Variants in ILDR1 observed in about 807,000 individuals in gnomAD.
ILDR1 encodes the protein immunoglobulin like domain containing receptor 1.
In ILDR1, 56 loss-of-function variants were observed where a neutral mutation model predicts 62.4. The observed-to-expected ratio is 0.90, with a 90% CI of 0.72 to 1.12. The LOEUF (loss-of-function observed/expected upper bound fraction) is 1.12, where lower values mean the gene tolerates loss of function less well. ILDR1 is among the 50% of genes most tolerant of loss of function. The pLI is 0.00. For missense variants in ILDR1, 736 were observed against 710.6 expected, an observed-to-expected ratio of 1.04 and a Z score of -0.41; for synonymous variants, 284 against 277.8, an observed-to-expected ratio of 1.02 and a Z score of -0.22.
rs112634688 is a variant in ILDR1, at chr3:122,006,690, A to G, written c.229+301T>C. 5.1e-3 allele frequency among the ~76,000 whole-genome samples: 772 copies of G among 152,298 alleles called. 6 individuals carry two copies. Among genetic ancestry groups the G allele is most frequent in the African/African-American group, 0.017 (725 of 41,562 alleles). On this transcript the variant is annotated intron_variant, in intron 2 of 7. Coordinates refer to ENST00000344209, the MANE Select transcript of ILDR1 (RefSeq NM_001199799.2). ...TGCATCATCAGCTCAGCACATTGGC[A>G]TGGAACCAGGAATGGACAGGGAGGC...
intron 1 of ILDR1, among the ~76,000 whole-genome samples, chr3:122,017,464 G>A (rs957000876): frequency 5.9e-5 from 9 of 152,130 alleles, no homozygotes; most frequent in African/African-American, 1.2e-4. Flanking sequence ...ATCACCCAAC[G>A]GCTTGTTTCA....
the ILDR1 span, among the ~76,000 whole-genome samples, chr3:122,051,481 T>C: frequency 3.3e-5 from 5 of 152,020 alleles, no homozygotes; most frequent in Admixed American, 3.3e-4. Flanking sequence ...TTCTATTTGG[T>C]TCCTTTTAAT....
the ILDR1 span, among the ~76,000 whole-genome samples, chr3:122,060,250 T>G: frequency 1.3e-5 from 2 of 152,204 alleles, no homozygotes; most frequent in Admixed American, 6.5e-5. Context: ...AGTAGGAGAA[T>G]GACTGAAAAT....
the ILDR1 span, among the ~76,000 whole-genome samples, chr3:122,031,949 CT>C: frequency 6.6e-6 from 1 of 152,106 alleles, no homozygotes. Flanking sequence ...TGTTTATTTC[CT>C]TGATATCTTA....
the ILDR1 span, among the ~76,000 whole-genome samples, chr3:122,036,705 T>A: frequency 6.6e-6 from 1 of 152,018 alleles, no homozygotes; most frequent in Non-Finnish European, 1.5e-5. Flanking sequence ...GCTGCAGGAA[T>A]TTGCATAAGT....
chr3:122,039,454 C>G, the ILDR1 span, among the ~76,000 whole-genome samples: 5 of 151,870 alleles, frequency 3.3e-5, no homozygotes, highest in Non-Finnish European at 7.4e-5. Context: ...CTTCCAGAAA[C>G]CATGTAAGTA....
At chr3:122,025,766 G>C (rs373140649), upstream of ILDR1, among the ~76,000 whole-genome samples, 10 of 152,248 alleles carry the variant, frequency 6.6e-5, no homozygotes, top group African/African-American at 2.4e-4. Flanking sequence ...TGAAGAATCA[G>C]GTAAGTAAAA....
intron 3 of ILDR1, among the ~76,000 whole-genome samples, chr3:122,004,671 CG>C (rs1338266373): frequency 6.6e-6 from 1 of 152,140 alleles, no homozygotes; most frequent in African/African-American, 2.4e-5. Context: ...TGATGCCTGT[CG>C]TTCAGATGAA....
At chr3:122,006,866 G>A in intron 2 of ILDR1, 125 bp downstream of exon 2, 5 of 995,380 alleles carry the variant, frequency 5.0e-6, no homozygotes, top group Non-Finnish European at 4.5e-6. Context: ...AACTACATTA[G>A]GTGATCTTTG....
At chr3:121,991,189 ACT>A (rs2071339815) in intron 7 of ILDR1, among the ~76,000 whole-genome samples, 2 of 151,474 alleles carry the variant, frequency 1.3e-5, no homozygotes, top group African/African-American at 4.9e-5. Flanking sequence ...ACAGAACGAG[ACT>A]CTGTCTCAAA....
rs779657821 is a variant in ILDR1 at position 121,993,833 on chromosome 3, G to A, written c.916C>T (p.Leu306Phe). ...LNLAQPLPPD[L>F]KGRFGHPCSM... is the part of the protein sequence containing the mutation. ...CAGGGATGGCCAAATCTGCCTTTGA[G>A]GTCAGGGGGCAGAGGCTGGGCCAGG... The change falls in exon 7 of 8, where the codon CTC becomes TTC. Residue 306 changes from leucine to phenylalanine, a missense_variant. Physicochemically the swap from Leu to Phe is conservative, Grantham distance 22. Transcript: ENST00000344209. The A allele has an allele frequency of 6.8e-6, 11 of 1,614,132 alleles. No homozygotes were observed. Among genetic ancestry groups the A allele is most frequent in the South Asian group, 1.1e-5 (1 of 91,076 alleles).
chr3:121,994,410 G>A, intron 5 of ILDR1, 97 bp from the exon 6 acceptor site: 1 of 1,354,396 alleles, frequency 7.4e-7, no homozygotes, highest in Non-Finnish European at 9.8e-7. Flanking sequence ...CAAGAGGCCA[G>A]CTTCTCTTGT....
intron 1 of ILDR1, among the ~76,000 whole-genome samples, chr3:122,014,207 A>C (rs1204279954): frequency 6.6e-6 from 1 of 152,266 alleles, no homozygotes; most frequent in African/African-American, 2.4e-5. Context: ...TTAATACAAA[A>C]TAAATAAGTG....
At position 122,014,109 on chromosome 3, in the gene ILDR1, A is replaced by G. The variant is rs2071743234; in HGVS notation, c.59-6948T>C. On this transcript the variant is annotated intron_variant, in intron 1 of 7. Coordinates refer to ENST00000344209, the MANE Select transcript of ILDR1 (RefSeq NM_001199799.2). ...AAGTTTTCTAAATGGTTGAGATTTA[A>G]CCCTTTGAGGAATATTCACGCACTT... Among the ~76,000 whole-genome samples, 3 of 152,212 alleles carry G rather than the reference A, an allele frequency of 2.0e-5. 1 individual carries two copies. The highest frequency in any genetic ancestry group is 4.4e-5 in the Non-Finnish European group (3 of 68,034).
chr3:122,021,431 A>C (rs2071853287), intron 1 of ILDR1, among the ~76,000 whole-genome samples: 4 of 152,182 alleles, frequency 2.6e-5, no homozygotes, highest in African/African-American at 9.7e-5. Context: ...GAAGCCTGAG[A>C]GGGTAGATGG....
At chr3:122,046,620 T>A in the ILDR1 span, among the ~76,000 whole-genome samples, 8 of 151,320 alleles carry the variant, frequency 5.3e-5, no homozygotes, top group South Asian at 4.2e-4. Context: ...GCTCGTTTCT[T>A]TTTATTCTTT....
chr3:122,004,893 G>C (rs2071580863), intron 3 of ILDR1, among the ~76,000 whole-genome samples: 1 of 152,112 alleles, frequency 6.6e-6, no homozygotes, highest in Admixed American at 6.5e-5. Context: ...CAGGGACCTG[G>C]GGTTTCAGTA....
chr3:122,001,738 C>T lies in ILDR1; in HGVS notation c.499+7G>A. ...GTGACTGAATAGAAAGCTCCAGTAG[C>T]ACTTACGTAGGACGATGAGCTTTAC... is the stretch of plus-strand genomic sequence containing the variant. On this transcript the variant is annotated splice_region_variant and intron_variant, in intron 4 of 7. Coordinates refer to ENST00000344209, the MANE Select transcript of ILDR1 (RefSeq NM_001199799.2). The T allele has an allele frequency of 6.2e-7, 1 of 1,612,272 alleles. No individual in the cohort carries two copies. Among genetic ancestry groups the T allele is most frequent in the Non-Finnish European group, 8.5e-7 (1 of 1,179,836 alleles).
the ILDR1 span, among the ~76,000 whole-genome samples, chr3:122,029,511 A>AAAT: frequency 0.074 from 10,297 of 139,350 alleles, 429 homozygotes; most frequent in Non-Finnish European, 0.085. Context: ...GTCTAAAAAA[A>AAAT]ATATATATAT....
Sources: gnomAD v4.1 joint callset for allele counts (sites outside exome capture counted in the v4.1 genomes callset) on GRCh38, gnomAD v4.1.1 for gene constraint, MANE v1.5 for transcripts, NCBI Gene and HGNC (gene_info 2026-07-23, HGNC 2026-07-21) for gene names.